The following ADAMTSL1 variants were observed in gnomAD, a reference collection of about 807,000 sequenced individuals.
ADAMTSL1 encodes the protein ADAMTS-like protein 1.
ADAMTSL1 carries 126 observed loss-of-function variants against 201.8 expected under a neutral mutation model. The ratio of observed to expected loss-of-function variants is 0.62; its 90% CI spans 0.54 to 0.72. The LOEUF is 0.72. ADAMTSL1 is among the 30% of genes least tolerant of loss of function. The pLI is 0.00. For missense variants in ADAMTSL1, 2,679 were observed against 2,277.8 expected, an observed-to-expected ratio of 1.18 and a Z score of -3.59; for synonymous variants, 1,121 against 903.4, an observed-to-expected ratio of 1.24 and a Z score of -4.32.
intron 22 of ADAMTSL1, among the ~76,000 whole-genome samples, chr9:18,828,665 T>TATATATATATATATATATATATA (rs1824761006): frequency 1.4e-5 from 1 of 73,632 alleles, no homozygotes; most frequent in Non-Finnish European, 2.5e-5. Context: ...TATATTTATA[T>TATATATATATATATATATATATA]ATATATATAT....
At chr9:18,173,685 A>G (rs1316356327) in intron 2 of ADAMTSL1, among the ~76,000 whole-genome samples, 2 of 152,074 alleles carry the variant, frequency 1.3e-5, no homozygotes, top group Non-Finnish European at 2.9e-5. Context: ...AAGCCCCAAC[A>G]CTAATGCAGA....
intron 2 of ADAMTSL1, among the ~76,000 whole-genome samples, chr9:18,321,207 C>G (rs996005549): frequency 3.4e-4 from 51 of 151,850 alleles, no homozygotes; most frequent in Non-Finnish European, 6.5e-4. Context: ...TATGTATCAC[C>G]CAATATAAAG....
rs1437506498 is a variant in ADAMTSL1 at position 18,721,632 on chromosome 9, T to C, written c.1973T>C (p.Leu658Pro). 36 of 1,613,870 alleles carry C rather than the reference T, an allele frequency of 2.2e-5. No individual in the cohort carries two copies. The highest frequency in any genetic ancestry group is 3.1e-5 in the Non-Finnish European group (36 of 1,179,884). Residue 658 changes from leucine to proline, a missense_variant, in exon 15 of 29, where the codon CTG (leucine) becomes CCG (proline). Leu to Pro is a moderately conservative substitution (Grantham distance 98). Coordinates refer to ENST00000380548, the MANE Select transcript of ADAMTSL1 (RefSeq NM_001040272.6). ...ACCAGCCGCCGGCCCCCACAGCTCCTGAAGTCCTGCAATTTGGATCCCTGC... is the reference window on the plus strand; with the variant it reads ...ACCAGCCGCCGGCCCCCACAGCTCCCGAAGTCCTGCAATTTGGATCCCTGC... ...CVTSRRPPQLLKSCNLDPCPA... is the reference protein window; with the variant it reads ...CVTSRRPPQLPKSCNLDPCPA...
intron 1 of ADAMTSL1, among the ~76,000 whole-genome samples, chr9:17,927,653 C>G (rs934579887): frequency 6.6e-6 from 1 of 152,018 alleles, no homozygotes; most frequent in East Asian, 1.9e-4. Context: ...CTAAACAATA[C>G]TGTATAACAA....
intron 2 of ADAMTSL1, among the ~76,000 whole-genome samples, chr9:18,288,605 G>T (rs531314653): frequency 6.6e-6 from 1 of 152,022 alleles, no homozygotes; most frequent in African/African-American, 2.4e-5. Flanking sequence ...AAGGCAAGAA[G>T]GCAGGAAGAC....
At chr9:18,583,037 T>C (rs1410414453) in intron 4 of ADAMTSL1, among the ~76,000 whole-genome samples, 1 of 152,170 alleles carries the variant, frequency 6.6e-6, no homozygotes, top group Non-Finnish European at 1.5e-5. Flanking sequence ...TAAACCTCTT[T>C]CTTTTGTAAA....
intron 4 of ADAMTSL1, among the ~76,000 whole-genome samples, chr9:18,594,763 T>C (rs886618563): frequency 2.6e-5 from 4 of 152,166 alleles, no homozygotes; most frequent in African/African-American, 9.6e-5. Context: ...CTATTTTGAG[T>C]TATTTGTCTG....
At chr9:17,993,667 T>G (rs907615660) in intron 1 of ADAMTSL1, among the ~76,000 whole-genome samples, 1 of 152,184 alleles carries the variant, frequency 6.6e-6, no homozygotes, top group Non-Finnish European at 1.5e-5. Context: ...TTGTTATTAA[T>G]GAGGCTAAGT....
In ADAMTSL1 at chr9:17,966,505, C is replaced by CT. The variant is rs371858825; in HGVS notation, c.87+59590dup. On this transcript the variant is annotated intron_variant, in intron 1 of 29. Transcript: ENST00000680146. ...ACCACCATTCTGCCCTTTATAGTAACTTTTTTTACTTCTTTGTATTTTTCT... is the reference window on the plus strand; with the variant it reads ...ACCACCATTCTGCCCTTTATAGTAACTTTTTTTTACTTCTTTGTATTTTTCT... Among the ~76,000 whole-genome samples the CT allele has an allele frequency of 5.7e-3, 868 of 152,184 alleles. 8 individuals are homozygous for CT. Among genetic ancestry groups the CT allele is most frequent in the African/African-American group, 0.02 (819 of 41,528 alleles).
chr9:18,225,401 A>G (rs1055092925), intron 2 of ADAMTSL1, among the ~76,000 whole-genome samples: 1 of 152,208 alleles, frequency 6.6e-6, no homozygotes, highest in Non-Finnish European at 1.5e-5. Context: ...GCGAAAATGT[A>G]TCTTGTCCTA....
chr9:18,281,915 A>C lies in ADAMTSL1; in HGVS notation c.207+117934A>C, dbSNP rs192616796. ...TGTTGTTTCATTTTTAGTCAATTCA[A>C]TGTATTTTCTTATTTCTTCTTTGAC... is the stretch of plus-strand genomic sequence containing the variant. On this transcript the variant is annotated intron_variant, in intron 2 of 29. Transcript: ENST00000680146. 8.8e-4 allele frequency among the ~76,000 whole-genome samples: 134 copies of C among 152,176 alleles called. 1 individual carries two copies. Among genetic ancestry groups the C allele is most frequent in the African/African-American group, 3.1e-3 (130 of 41,512 alleles).
At chr9:18,162,147 A>T (rs1042296122) in intron 1 of ADAMTSL1, among the ~76,000 whole-genome samples, 1 of 152,056 alleles carries the variant, frequency 6.6e-6, no homozygotes, top group South Asian at 2.1e-4. Context: ...AACAGTTCTC[A>T]TCTAGGACTG....
At chr9:18,586,869 G>T (rs916505009) in intron 4 of ADAMTSL1, among the ~76,000 whole-genome samples, 3 of 152,102 alleles carry the variant, frequency 2.0e-5, no homozygotes, top group African/African-American at 7.2e-5. Flanking sequence ...TCAATAAATG[G>T]TGCTGGGATA....
intron 2 of ADAMTSL1, among the ~76,000 whole-genome samples, chr9:18,219,686 G>A (rs1281956883): frequency 1.3e-5 from 2 of 152,096 alleles, no homozygotes; most frequent in Non-Finnish European, 2.9e-5. Context: ...AAGTAACTTT[G>A]TCTTTTAATA....
intron 2 of ADAMTSL1, among the ~76,000 whole-genome samples, chr9:18,298,673 T>TAAA (rs11387134): frequency 7.2e-6 from 1 of 138,702 alleles, no homozygotes; most frequent in Non-Finnish European, 1.6e-5. Flanking sequence ...TTTAACAAGT[T>TAAA]AAAAAAAAAA....
intron 1 of ADAMTSL1, among the ~76,000 whole-genome samples, chr9:18,148,380 T>G (rs1318028075): frequency 1.3e-5 from 2 of 151,250 alleles, no homozygotes; most frequent in Non-Finnish European, 2.9e-5. Flanking sequence ...GTAGAGGAAT[T>G]TATTTGGTAA....
chr9:18,596,269 T>G (rs1476925210), intron 4 of ADAMTSL1, among the ~76,000 whole-genome samples: 1 of 152,180 alleles, frequency 6.6e-6, no homozygotes. Flanking sequence ...TGTGTAGTGA[T>G]GAGATTCAAA....
chr9:17,996,657 C>A (rs138696673), intron 1 of ADAMTSL1, among the ~76,000 whole-genome samples: 30 of 152,084 alleles, frequency 2.0e-4, no homozygotes, highest in African/African-American at 6.7e-4. Flanking sequence ...AGTTGCCAAC[C>A]CTTTTTGAAC....
At chr9:18,727,710 T>A (rs1459086014) in intron 15 of ADAMTSL1, among the ~76,000 whole-genome samples, 1 of 152,242 alleles carries the variant, frequency 6.6e-6, no homozygotes, top group African/African-American at 2.4e-5. Flanking sequence ...TGTGTGAGCA[T>A]GTGTGACCAT....
Sources: gnomAD v4.1 joint callset for allele counts (sites outside exome capture counted in the v4.1 genomes callset) on GRCh38, gnomAD v4.1.1 for gene constraint, MANE v1.5 for transcripts, NCBI Gene and HGNC (gene_info 2026-07-23, HGNC 2026-07-21) for gene names.